FAAP20: variants seen among roughly 807,000 people sequenced by gnomAD.
FAAP20 encodes Fanconi anemia core complex-associated protein 20.
FAAP20 carries 12 observed loss-of-function variants against 16.2 expected under a neutral mutation model. The ratio of observed to expected loss-of-function variants is 0.74; its 90% CI spans 0.48 to 1.20. The LOEUF is 1.20. FAAP20 is among the 50% of genes most tolerant of loss of function. FAAP20 has a pLI of 0.00. For missense variants in FAAP20, 288 were observed against 245.8 expected (o/e 1.17, Z -1.15); for synonymous variants, 141 against 110.7 (o/e 1.27, Z -1.72).
upstream of FAAP20, chr1:2,199,374 CCCG>C (rs1472008169): frequency 9.8e-7 from 1 of 1,022,378 alleles, no homozygotes; most frequent in East Asian, 1.1e-4. The surrounding 1 kb of genome is among the most constrained non-coding windows in gnomAD (Gnocchi z 4.5). Flanking sequence ...CTGACGTCCC[CCCG>C]CCCGGAGAAG....
chr1:2,201,940 C>CT (rs1399083335), upstream of FAAP20, among the ~76,000 whole-genome samples: 4 of 151,310 alleles, frequency 2.6e-5, no homozygotes, highest in Non-Finnish European at 5.9e-5. Flanking sequence ...AGGCGTGAAC[C>CT]CGGGAGGCGG....
At chr1:2,195,964 G>A (rs937977413), upstream of FAAP20, among the ~76,000 whole-genome samples, 4 of 152,220 alleles carry the variant, frequency 2.6e-5, no homozygotes, top group African/African-American at 9.6e-5. Context: ...GCCCGGGCAG[G>A]GGGAGGGGGC....
chr1:2,198,522 T>C, upstream of FAAP20: 1 of 519,006 alleles, frequency 1.9e-6, no homozygotes, highest in Non-Finnish European at 3.0e-6. Context: ...GTCACCCAAA[T>C]GTTCATCTCT....
upstream of FAAP20, among the ~76,000 whole-genome samples, chr1:2,197,059 G>A (rs1000459521): frequency 9.2e-5 from 14 of 152,208 alleles, no homozygotes; most frequent in Admixed American, 5.2e-4. Flanking sequence ...CCATGGGACC[G>A]GCCGGCCTCT....
chr1:2,189,468 C>T (rs1396621972), downstream of FAAP20: 7 of 566,002 alleles, frequency 1.2e-5, no homozygotes, highest in Admixed American at 3.0e-5. Context: ...TCAGCTTCCC[C>T]GCCTGGGGCT....
intron 1 of FAAP20, chr1:2,212,485 T>C (rs945017696): frequency 6.3e-6 from 1 of 159,562 alleles, no homozygotes; most frequent in Non-Finnish European, 1.4e-5. Flanking sequence ...CAGGTGGGTA[T>C]GGGAGGGGGC....
At chr1:2,204,955 CCGCCCCGCCCCCCGGG>C (rs1689187012) in intron 3 of FAAP20, among the ~76,000 whole-genome samples, 1 of 114,468 alleles carries the variant, frequency 8.7e-6, no homozygotes, top group Non-Finnish European at 1.9e-5. Context: ...CCCTCAAGCC[CCGCCCCGCCCCCCGGG>C]CGCCACGCGC....
intron 3 of FAAP20, chr1:2,191,574 G>C (rs903899611): frequency 3.9e-5 from 6 of 152,610 alleles, no homozygotes; most frequent in African/African-American, 1.4e-4. Context: ...GTGAAACCCT[G>C]TCTCTACTAA....
chr1:2,184,636 C>T (rs554637318), downstream of FAAP20: 357 of 1,614,078 alleles, frequency 2.2e-4, no homozygotes, highest in South Asian at 8.9e-4. Flanking sequence ...CAGACGACTA[C>T]GGTCTGGACA....
upstream of FAAP20, chr1:2,197,909 A>C (rs564610173): frequency 8.4e-7 from 1 of 1,195,244 alleles, no homozygotes; most frequent in Non-Finnish European, 1.1e-6. Flanking sequence ...CCCGCCTGAC[A>C]GCTTCCCGAC....
At chr1:2,185,059 A>G, downstream of FAAP20, 1 of 1,511,822 alleles carries the variant, frequency 6.6e-7, no homozygotes, top group Non-Finnish European at 9.1e-7. Flanking sequence ...CTTTAACTGT[A>G]TCCTTAACCA....
intron 3 of FAAP20, among the ~76,000 whole-genome samples, chr1:2,205,318 G>A (rs1689214786): frequency 2.2e-5 from 2 of 90,296 alleles, no homozygotes; most frequent in South Asian, 4.2e-4. Flanking sequence ...AGCAAGCCCC[G>A]CCCCGCAGGG....
At chr1:2,192,949 C>T (rs1688407707) in intron 3 of FAAP20, 1 of 1,303,948 alleles carries the variant, frequency 7.7e-7, no homozygotes, top group Admixed American at 2.3e-5. Context: ...ACTCCGGTGC[C>T]TTCGCATTCC....
Position 2,189,614 on chromosome 1 carries a change from G to GGCGGGGCTGCTGGCGGGGGAGCCGAGAT in FAAP20, c.*94_*95insATCTCGGCTCCCCCGCCAGCAGCCCCGC. The GGCGGGGCTGCTGGCGGGGGAGCCGAGAT allele has an allele frequency of 1.1e-6, 1 of 929,042 alleles. No individual in the cohort carries two copies. Among genetic ancestry groups the GGCGGGGCTGCTGGCGGGGGAGCCGAGAT allele is most frequent in the Non-Finnish European group, 1.6e-6 (1 of 610,518 alleles). 57.5% of individuals were successfully genotyped at this position (929,042 alleles called of 1,614,324 possible). A position where few individuals can be genotyped will look rare whatever the true frequency, so the allele number is the denominator to read the frequency against. ...TAATGCGCATGCGGGGGAGCCGAGAGGCGGGGCTGCTGGCGGGGGAGCCGA... is the reference window on the plus strand; with the variant it reads ...TAATGCGCATGCGGGGGAGCCGAGAGGCGGGGCTGCTGGCGGGGGAGCCGAGATGCGGGGCTGCTGGCGGGGGAGCCGA... On this transcript the variant is annotated 3_prime_UTR_variant, in exon 4 of 4. Transcript: ENST00000378546.
chr1:2,207,264 T>C (rs1183719586), downstream of FAAP20, among the ~76,000 whole-genome samples: 1 of 152,154 alleles, frequency 6.6e-6, no homozygotes, highest in East Asian at 1.9e-4. Flanking sequence ...CAGGGTGTCT[T>C]GTCCCCTTAA....
At chr1:2,198,289 G>A, upstream of FAAP20, 1 of 763,042 alleles carries the variant, frequency 1.3e-6, no homozygotes, top group South Asian at 1.7e-5. Flanking sequence ...GAGTGGGTGG[G>A]GGCATCAGAG....
upstream of FAAP20, chr1:2,201,069 A>C: frequency 7.8e-7 from 1 of 1,289,296 alleles, no homozygotes; most frequent in South Asian, 1.2e-5. Flanking sequence ...ACAGGTTTCC[A>C]CTTGTCATAG....
chr1:2,203,230 G>C (rs1689115148), upstream of FAAP20, among the ~76,000 whole-genome samples: 1 of 152,212 alleles, frequency 6.6e-6, no homozygotes, highest in South Asian at 2.1e-4. Context: ...CTGCAGCCCA[G>C]GTGGGGCCAA....
At chr1:2,189,021 A>G (rs548168273), downstream of FAAP20, among the ~76,000 whole-genome samples, 31 of 146,704 alleles carry the variant, frequency 2.1e-4, no homozygotes, top group African/African-American at 7.4e-4. Flanking sequence ...GAAAAAAAAA[A>G]AAAAAAACAA....
Sources: gnomAD v4.1 joint callset for allele counts (sites outside exome capture counted in the v4.1 genomes callset) on GRCh38, gnomAD v4.1.1 for gene constraint, Gnocchi (gnomAD v3.1) non-coding constraint, MANE v1.5 for transcripts, NCBI Gene and HGNC (gene_info 2026-07-23, HGNC 2026-07-21) for gene names.